ZNF277: variants seen among roughly 807,000 people sequenced by gnomAD.
The protein encoded by ZNF277 is nuclear receptor-interacting factor 4.
A neutral mutation model predicts 60.7 loss-of-function variants in ZNF277; 55 were observed. The observed-to-expected ratio is 0.91, with a 90% CI of 0.73 to 1.13. The LOEUF (loss-of-function observed/expected upper bound fraction) is 1.13. Ranked by LOEUF, ZNF277 falls within the 50% of genes most tolerant of loss-of-function variation. The pLI is 0.00. For missense variants in ZNF277, 510 were observed against 523.0 expected (o/e 0.98, Z 0.24); for synonymous variants, 178 against 179.3 (o/e 0.99, Z 0.06).
intron 1 of ZNF277, among the ~76,000 whole-genome samples, chr7:112,236,555 ATTAG>A (rs1165233230): frequency 2.0e-5 from 3 of 152,060 alleles, no homozygotes; most frequent in Admixed American, 2.0e-4. Flanking sequence ...AAATGTCCTC[ATTAG>A]TTAGTATTAA....
At chr7:112,324,961 G>A (rs943942770) in intron 5 of ZNF277, among the ~76,000 whole-genome samples, 25 of 152,106 alleles carry the variant, frequency 1.6e-4, no homozygotes, top group Admixed American at 1.6e-3. Context: ...CCATGGCTTG[G>A]ATGATGCCTC....
chr7:112,322,670 A>G (rs918869397), intron 5 of ZNF277, among the ~76,000 whole-genome samples: 1 of 151,972 alleles, frequency 6.6e-6, no homozygotes, highest in Non-Finnish European at 1.5e-5. Flanking sequence ...GGGCATATTC[A>G]TATTAGCTAA....
chr7:112,296,912 ATTTTTTTTTTT>A (rs1170078999), intron 4 of ZNF277, among the ~76,000 whole-genome samples: 2 of 39,670 alleles, frequency 5.0e-5, no homozygotes, highest in Non-Finnish European at 1.3e-4. Flanking sequence ...TTATTTATTT[ATTTTTTTTTTT>A]TTTTTTTTTT....
chr7:112,258,344 A>G (rs1489606956), intron 1 of ZNF277, among the ~76,000 whole-genome samples: 2 of 151,772 alleles, frequency 1.3e-5, no homozygotes, highest in South Asian at 2.1e-4. Context: ...GTCAAATTAT[A>G]TTTGAATTTC....
chr7:112,327,927 G>A lies in ZNF277; in HGVS notation c.668+100G>A, dbSNP rs958569531. The A allele has an allele frequency of 5.0e-6, 4 of 798,512 alleles. No individual in the cohort carries two copies. In the African/African-American group the frequency reaches 7.1e-5, roughly 14 times the overall value. The allele number at this position is 798,512 out of a possible 1,614,324, so 49.5% of individuals were successfully genotyped here. ...TTTAATAGAGTAATTAAAGAAGTGG[G>A]AATTTCCCATGTTGGAGGAGTTCAC... is the stretch of plus-strand genomic sequence containing the variant. On this transcript the variant is annotated intron_variant, in intron 6 of 11. Coordinates refer to ENST00000361822, the MANE Select transcript of ZNF277 (RefSeq NM_021994.3).
intron 1 of ZNF277, among the ~76,000 whole-genome samples, chr7:112,216,437 G>C (rs1481021860): frequency 1.3e-5 from 2 of 152,148 alleles, no homozygotes; most frequent in Non-Finnish European, 2.9e-5. Flanking sequence ...AGCCTCCTGA[G>C]TAGCTGATAC....
intron 1 of ZNF277, among the ~76,000 whole-genome samples, chr7:112,244,663 A>G (rs1427419516): frequency 6.6e-6 from 1 of 152,110 alleles, no homozygotes; most frequent in African/African-American, 2.4e-5. Flanking sequence ...TATCATATAC[A>G]TATATAGTTT....
chr7:112,248,621 T>C (rs1201967188), intron 1 of ZNF277, among the ~76,000 whole-genome samples: 1 of 152,156 alleles, frequency 6.6e-6, no homozygotes, highest in Non-Finnish European at 1.5e-5. Flanking sequence ...GTTAATCTTT[T>C]AGTATCTATT....
Position 112,234,212 on chromosome 7 carries a change from A to G in ZNF277, c.91+27405A>G, listed in dbSNP as rs146265868. ...AAGTAGAATTTCTGGGTTAAATTAT[A>G]TGTGCCTTTTAAATATTGACAAATG... On this transcript the variant is annotated intron_variant, in intron 1 of 11. Transcript: ENST00000361822. Among the ~76,000 whole-genome samples, 615 of 152,320 alleles carry G rather than the reference A, an allele frequency of 4.0e-3. 6 individuals are homozygous for G. Among genetic ancestry groups the G allele is most frequent in the African/African-American group, 0.013 (556 of 41,574 alleles).
intron 1 of ZNF277, among the ~76,000 whole-genome samples, chr7:112,262,020 T>C (rs1217004236): frequency 6.6e-6 from 1 of 152,116 alleles, no homozygotes; most frequent in Non-Finnish European, 1.5e-5. Context: ...CAGTGTCTTG[T>C]AGCATATGAG....
At chr7:112,272,977 T>C (rs1168163485) in intron 1 of ZNF277, among the ~76,000 whole-genome samples, 1 of 152,198 alleles carries the variant, frequency 6.6e-6, no homozygotes, top group Non-Finnish European at 1.5e-5. Flanking sequence ...TAGTTTTGAT[T>C]TGCATTTCTC....
chr7:112,287,311 G>T, intron 2 of ZNF277: 1 of 514,624 alleles, frequency 1.9e-6, no homozygotes. Context: ...TGAGTTCGAG[G>T]CTGCAGTGAG....
At chr7:112,259,984 A>G (rs981987779) in intron 1 of ZNF277, among the ~76,000 whole-genome samples, 1 of 152,234 alleles carries the variant, frequency 6.6e-6, no homozygotes, top group Non-Finnish European at 1.5e-5. Context: ...TATAAAAGCT[A>G]CAGGCAGCAC....
rs10710470 is a variant in ZNF277, at chr7:112,286,841, C to CTTTTTTTTTTT, written c.92-23_92-13dup. ...AGTTGGTTTCAGCTTTTCTTTCTTT[C>CTTTTTTTTTTT]TTTTTTTTTTTTTTTTTTTGGTCTA... On this transcript the variant is annotated intron_variant, in intron 1 of 11. Transcript: ENST00000361822. The CTTTTTTTTTTT allele has an allele frequency of 7.9e-4, 752 of 951,486 alleles. 40 individuals carry two copies. Among genetic ancestry groups the CTTTTTTTTTTT allele is most frequent in the African/African-American group, 2.5e-3 (91 of 35,702 alleles). 58.9% of individuals were successfully genotyped at this position (951,486 alleles called of 1,614,324 possible). A position where few individuals can be genotyped will look rare whatever the true frequency, so the allele number is the denominator to read the frequency against.
chr7:112,261,788 T>C (rs1278676329), intron 1 of ZNF277, among the ~76,000 whole-genome samples: 1 of 152,194 alleles, frequency 6.6e-6, no homozygotes, highest in Non-Finnish European at 1.5e-5. Context: ...AAAGCTCTTG[T>C]GTCATTCAGC....
At chr7:112,252,419 T>C (rs1791219438) in intron 1 of ZNF277, among the ~76,000 whole-genome samples, 1 of 152,188 alleles carries the variant, frequency 6.6e-6, no homozygotes, top group African/African-American at 2.4e-5. Flanking sequence ...TTTTTCTGTG[T>C]GCGGTACAAG....
intron 1 of ZNF277, among the ~76,000 whole-genome samples, chr7:112,225,905 G>A (rs991398452): frequency 2.0e-5 from 3 of 152,102 alleles, no homozygotes; most frequent in Non-Finnish European, 2.9e-5. Flanking sequence ...AAAATTTTTT[G>A]AGCAAATAAT....
At chr7:112,275,612 A>G (rs987797149) in intron 1 of ZNF277, among the ~76,000 whole-genome samples, 1 of 151,028 alleles carries the variant, frequency 6.6e-6, no homozygotes, top group African/African-American at 2.4e-5. Context: ...TCAATAATTT[A>G]TCATATTAAA....
intron 1 of ZNF277, among the ~76,000 whole-genome samples, chr7:112,284,702 A>G (rs1246585015): frequency 6.6e-6 from 1 of 151,970 alleles, no homozygotes; most frequent in Non-Finnish European, 1.5e-5. Context: ...ACCTTCTCTG[A>G]TATTAATTTT....
Sources: allele counts gnomAD v4.1 joint callset (sites outside exome capture counted in the v4.1 genomes callset), GRCh38; gene constraint gnomAD v4.1.1; transcripts MANE v1.5; gene names NCBI Gene and HGNC (gene_info 2026-07-23, HGNC 2026-07-21).